ELMO2: variants seen among roughly 807,000 people sequenced by gnomAD.
ELMO2 encodes engulfment and cell motility 2, also known as engulfment and cell motility protein 2.
In ELMO2, 37 loss-of-function variants were observed where a neutral mutation model predicts 96.2. The observed-to-expected ratio is 0.38, with a 90% CI of 0.30 to 0.51. ELMO2 has a LOEUF of 0.51. Ranked by LOEUF, ELMO2 falls within the 20% of genes least tolerant of loss-of-function variation. The pLI is 0.88. For synonymous variants in ELMO2, 315 were observed against 329.4 expected (o/e 0.96, Z 0.47); for missense variants, 561 against 912.6 (o/e 0.61, Z 4.96).
At chr20:46,377,873 TC>T (rs942236443) in intron 11 of ELMO2, among the ~76,000 whole-genome samples, 22 of 151,990 alleles carry the variant, frequency 1.4e-4, no homozygotes, top group African/African-American at 5.3e-4. Flanking sequence ...TCCTTCCCAC[TC>T]CCCCCAGTCT....
In ELMO2 at chr20:46,375,785, C is replaced by T. The variant is rs565956803; in HGVS notation, c.813G>A (p.Val271=). 5.0e-6 allele frequency: 8 copies of T among 1,614,170 alleles called. No individual in the cohort carries two copies. In the South Asian group the frequency reaches 8.8e-5, roughly 18 times the overall value. ...KHLRSIILNH[V]IRGNRPIKTE... ...TTTTGATGGGGCGGTTCCCTCGGAT[C>T]ACATGCTAGAAAAAGCACAGGCAGG... is the stretch of plus-strand genomic sequence containing the variant. Residue 271 remains valine, a synonymous_variant, in exon 12 of 22, where the codon GTG becomes GTA. Coordinates refer to ENST00000290246, the MANE Select transcript of ELMO2 (RefSeq NM_133171.5). This position sits in a 1 kb window ranked among gnomAD's most constrained non-coding sequence, Gnocchi z 4.6.
chr20:46,386,226 C>T lies in ELMO2; in HGVS notation c.575G>A (p.Arg192Lys). ...CATGCTCTCCAGGATGGCCAGGGAC[C>T]TCTGAAGGATTGACACGTCCACCAT... is the stretch of plus-strand genomic sequence containing the variant. ...QPMVDVSILQ[R>K]SLAILESMVL... The change falls in exon 9 of 22, where the codon AGG (arginine) becomes AAG (lysine). Residue 192 changes from arginine (R) to lysine (K), a missense_variant. Physicochemically the swap from Arg to Lys is conservative, Grantham distance 26. Coordinates refer to ENST00000290246, the MANE Select transcript of ELMO2 (RefSeq NM_133171.5). 6.2e-7 allele frequency: 1 copy of T among 1,614,098 alleles called. No individual in the cohort carries two copies. The highest frequency in any genetic ancestry group is 8.5e-7 in the Non-Finnish European group (1 of 1,179,986).
rs2059716662 is a variant in ELMO2, at chr20:46,371,754, A to G, written c.1580+52T>C. ...GGGGACAGTGGAGCTCTGGAAGGAA[A>G]GCAGAGCTGGCAGCCACCTCCCCCG... is the stretch of plus-strand genomic sequence containing the variant. On this transcript the variant is annotated intron_variant, in intron 17 of 21. Transcript: ENST00000290246. This position sits in a 1 kb window ranked among gnomAD's most constrained non-coding sequence, Gnocchi z 5.9. 2 of 1,613,536 alleles carry G rather than the reference A, an allele frequency of 1.2e-6. No homozygotes were observed. Among genetic ancestry groups the G allele is most frequent in the Non-Finnish European group, 1.7e-6 (2 of 1,179,590 alleles).
intron 9 of ELMO2, among the ~76,000 whole-genome samples, chr20:46,384,659 G>A (rs551972940): frequency 4.6e-5 from 7 of 152,214 alleles, no homozygotes; most frequent in African/African-American, 1.7e-4. Flanking sequence ...GGCTCGCTGG[G>A]TATGAAAGCT....
At chr20:46,404,484 C>A (rs1053297614) in intron 1 of ELMO2, among the ~76,000 whole-genome samples, 2 of 152,196 alleles carry the variant, frequency 1.3e-5, no homozygotes, top group Non-Finnish European at 2.9e-5. Flanking sequence ...CCTAATCTCA[C>A]CTCCTCCACT....
chr20:46,372,049 T>C, intron 16 of ELMO2, 80 bp from the exon 17 acceptor site: 1 of 1,578,762 alleles, frequency 6.3e-7, no homozygotes, highest in South Asian at 1.1e-5. Context: ...CCAAGGCTCT[T>C]TCCTGCCCCA....
intron 1 of ELMO2, among the ~76,000 whole-genome samples, chr20:46,405,582 A>C (rs2060420923): frequency 6.6e-6 from 1 of 152,050 alleles, no homozygotes. Flanking sequence ...TGCCCTAAGC[A>C]TCCAGATCTG....
At chr20:46,405,270 A>T (rs2060410477) in intron 1 of ELMO2, among the ~76,000 whole-genome samples, 1 of 152,216 alleles carries the variant, frequency 6.6e-6, no homozygotes, top group African/African-American at 2.4e-5. Flanking sequence ...AGTCAGGGAC[A>T]GGGATGCCTC....
intron 10 of ELMO2, chr20:46,382,090 T>A: frequency 2.1e-6 from 2 of 934,362 alleles, no homozygotes; most frequent in South Asian, 1.4e-5. Flanking sequence ...GCACACAACC[T>A]TTCCCTGGGT....
chr20:46,399,356 G>A (rs151329953), intron 1 of ELMO2, among the ~76,000 whole-genome samples: 17 of 152,260 alleles, frequency 1.1e-4, no homozygotes, highest in African/African-American at 3.6e-4. Flanking sequence ...CCTGGACTAC[G>A]GGCTATTTCT....
At chr20:46,384,431 CA>C (rs2060007245) in intron 9 of ELMO2, among the ~76,000 whole-genome samples, 1 of 151,704 alleles carries the variant, frequency 6.6e-6, no homozygotes, top group Admixed American at 6.6e-5. Flanking sequence ...TCCCTCAGCC[CA>C]AAAAGGAAAG....
Position 46,371,297 on chromosome 20 carries a change from C to A in ELMO2, c.1801+55G>T. Reference sequence around the variant, plus strand: ...AGCTACAAACAGCTGGACTAGAACTCCTGTCTCCTGACAAGTCCAGCAACC... The same window carrying A: ...AGCTACAAACAGCTGGACTAGAACTACTGTCTCCTGACAAGTCCAGCAACC... On this transcript the variant is annotated intron_variant, in intron 19 of 21. Coordinates refer to ENST00000290246, the MANE Select transcript of ELMO2 (RefSeq NM_133171.5). This position sits in a 1 kb window ranked among gnomAD's most constrained non-coding sequence, Gnocchi z 5.9. The A allele has an allele frequency of 6.4e-7, 1 of 1,552,254 alleles. No individual in the cohort carries two copies. Among genetic ancestry groups the A allele is most frequent in the East Asian group, 2.2e-5 (1 of 44,576 alleles).
In ELMO2 at chr20:46,383,388, T is replaced by C. The variant is rs371139861; in HGVS notation, c.756+28A>G. The C allele has an allele frequency of 2.5e-6, 4 of 1,604,112 alleles. No individual in the cohort carries two copies. In the African/African-American group the frequency reaches 4.0e-5, roughly 16 times the overall value. On this transcript the variant is annotated intron_variant, in intron 10 of 21. Coordinates refer to ENST00000290246, the MANE Select transcript of ELMO2 (RefSeq NM_133171.5). ...GAGAATTATCTCAGAAGAGCCCAGATGAAAAATGTGAAAAGGCAGCCACAG... is the reference window on the plus strand; with the variant it reads ...GAGAATTATCTCAGAAGAGCCCAGACGAAAAATGTGAAAAGGCAGCCACAG...
At chr20:46,388,989 G>A in intron 7 of ELMO2, 50 bp downstream of exon 7, 1 of 1,570,186 alleles carries the variant, frequency 6.4e-7, no homozygotes, top group Non-Finnish European at 8.7e-7. Context: ...TGCCCTGTGG[G>A]ATGTAGTAAA....
rs73296036 is a variant in ELMO2, at chr20:46,368,747, C to A, written c.1962+144G>T. ...AGACATTCCCATCCTATTGAAATGC[C>A]ACCTTCTTCTCAAAGCCTTCCTAGG... On this transcript the variant is annotated intron_variant, in intron 21 of 21. Transcript: ENST00000290246. The A allele has an allele frequency of 4.9e-3, 3,973 of 806,998 alleles. 94 individuals carry two copies. The African/African-American group carries it at 0.06, about 12-fold the overall frequency. The allele number at this position is 806,998 out of a possible 1,614,324, so 50.0% of individuals were successfully genotyped here. A position where few individuals can be genotyped will look rare whatever the true frequency, so the allele number is the denominator to read the frequency against.
chr20:46,367,663 A>T, intron 21 of ELMO2, 103 bp from the exon 22 acceptor site: 1 of 904,722 alleles, frequency 1.1e-6, no homozygotes, highest in Admixed American at 3.3e-5. Context: ...TCCTTTTGGA[A>T]CTAATCAGTA....
intron 16 of ELMO2, among the ~76,000 whole-genome samples, chr20:46,372,481 A>G (rs2261138): frequency 0.6 from 90,904 of 152,016 alleles, 30,078 homozygotes; most frequent in Non-Finnish European, 0.72. Context: ...AAATACAAAA[A>G]TTAGCCAGGT....
In ELMO2 at chr20:46,394,471, C is replaced by T. The variant is rs773994349; in HGVS notation, c.12G>A (p.Pro4=). 1.2e-5 allele frequency: 20 copies of T among 1,614,084 alleles called. No individual in the cohort carries two copies. The highest frequency in any genetic ancestry group is 4.0e-5 in the African/African-American group (3 of 74,914). ...CAATGGCCACTTTGACAATGTCTGA[C>T]GGTGGTGGCATCGTTCCCAATGGGC... MPP[P]SDIVKVAIEW... Residue 4 remains proline (P), a synonymous_variant, in exon 3 of 22, where the codon CCG becomes CCA. Coordinates refer to ENST00000290246, the MANE Select transcript of ELMO2 (RefSeq NM_133171.5).
rs1289610603 is a variant in ELMO2 at position 46,383,489 on chromosome 20, T to C, written c.683A>G (p.Asn228Ser). The change falls in exon 10 of 22, where the codon AAC becomes AGC. Residue 228 changes from asparagine to serine, a missense_variant. Physicochemically the swap from Asn to Ser is conservative, Grantham distance 46. Coordinates refer to ENST00000290246, the MANE Select transcript of ELMO2 (RefSeq NM_133171.5). Reference sequence around the variant, plus strand: ...AATGGCGTAGGTCTGAATCTCCTGGTTGGAGCTGTGTCAATGGAGAAAGAA... The same window carrying C: ...AATGGCGTAGGTCTGAATCTCCTGGCTGGAGCTGTGTCAATGGAGAAAGAA... ...GQLISHLQVS[N>S]QEIQTYAIAL... 1 of 1,614,040 alleles carries C rather than the reference T, an allele frequency of 6.2e-7. No homozygotes were observed. Among genetic ancestry groups the C allele is most frequent in the East Asian group, 2.2e-5 (1 of 44,878 alleles).
Sources: allele counts gnomAD v4.1 joint callset (sites outside exome capture counted in the v4.1 genomes callset), GRCh38; gene constraint gnomAD v4.1.1; non-coding constraint Gnocchi (gnomAD v3.1); transcripts MANE v1.5; gene names NCBI Gene and HGNC (gene_info 2026-07-23, HGNC 2026-07-21).